GTPBP6: variants seen among roughly 807,000 people sequenced by gnomAD.
GTPBP6 encodes putative GTP-binding protein 6.
GTPBP6 carries 33 observed loss-of-function variants against 28.9 expected under a neutral mutation model. The observed-to-expected ratio is 1.14, with a 90% CI of 0.87 to 1.53. The LOEUF (loss-of-function observed/expected upper bound fraction) is 1.53, where lower values mean the gene tolerates loss of function less well. Ranked by LOEUF, GTPBP6 falls within the 40% of genes most tolerant of loss-of-function variation. The pLI is 0.00. For synonymous variants in GTPBP6, 231 were observed against 192.7 expected, an observed-to-expected ratio of 1.20 and a Z score of -1.65; for missense variants, 507 against 408.3, an observed-to-expected ratio of 1.24 and a Z score of -2.08.
chrX:307,295 C>T (rs1459625546), intron 9 of GTPBP6, 65 bp downstream of exon 9: 37 of 1,513,138 alleles, frequency 2.4e-5, no homozygotes, highest in Non-Finnish European at 3.3e-5. Context: ...ACGAAGAGCC[C>T]GTTTCAGAGC....
intron 5 of GTPBP6, among the ~76,000 whole-genome samples, chrX:313,795 G>A (rs2070365361): frequency 6.6e-6 from 1 of 152,192 alleles, no homozygotes; most frequent in Non-Finnish European, 1.5e-5. Context: ...AGGAGCCCCT[G>A]GAGGGAGCGC....
chrX:314,471 T>C (rs2070387336), intron 4 of GTPBP6, among the ~76,000 whole-genome samples: 1 of 151,070 alleles, frequency 6.6e-6, no homozygotes, highest in Admixed American at 6.6e-5. Context: ...CACGGTGCTT[T>C]TCTTCTTTTT....
intron 6 of GTPBP6, 39 bp from the exon 7 acceptor site, chrX:311,666 T>C (rs1602964091): frequency 6.6e-7 from 1 of 1,513,106 alleles, no homozygotes; most frequent in Non-Finnish European, 9.2e-7. Context: ...CAGAGATCCC[T>C]GCGTCCCAAC....
exon 10 of GTPBP6, chrX:304,868 C>T (rs1169232619): frequency 1.0e-5 from 15 of 1,432,994 alleles, no homozygotes; most frequent in South Asian, 6.1e-5. Flanking sequence ...TTGGAGTGGA[C>T]GCTCGGGCGG....
chrX:314,610 T>G (rs758089875), intron 4 of GTPBP6, among the ~76,000 whole-genome samples: 1 of 151,872 alleles, frequency 6.6e-6, no homozygotes, highest in African/African-American at 2.4e-5. Context: ...GTAGCTGGGA[T>G]TTCAGGCGCC....
chrX:316,897 G>A lies in GTPBP6; in HGVS notation c.487+17C>T, dbSNP rs2070449484. The A allele has an allele frequency of 1.0e-5, 4 of 398,596 alleles. No individual in the cohort carries two copies. Among genetic ancestry groups the A allele is most frequent in the Non-Finnish European group, 1.8e-5 (4 of 226,144 alleles). 24.7% of individuals were successfully genotyped at this position (398,596 alleles called of 1,614,324 possible). On this transcript the variant is annotated intron_variant, in intron 2 of 9. Transcript: ENST00000326153. Reference sequence around the variant, plus strand: ...GGAAAGGAGGTTTGGGGAAGGAGCAGGTCTGGACGGACCCACCTGTCAGGT... The same window carrying A: ...GGAAAGGAGGTTTGGGGAAGGAGCAAGTCTGGACGGACCCACCTGTCAGGT...
At chrX:306,757 A>T in intron 9 of GTPBP6, among the ~76,000 whole-genome samples, 1 of 149,892 alleles carries the variant, frequency 6.7e-6, no homozygotes, top group Non-Finnish European at 1.5e-5. Context: ...CAGATTAGGC[A>T]CCTGTTGTAT....
intron 6 of GTPBP6, chrX:312,037 T>C (rs1241203245): frequency 3.9e-5 from 18 of 461,642 alleles, no homozygotes; most frequent in African/African-American, 3.4e-4. Context: ...GATACGGCAG[T>C]GGTGCCGGTG....
chrX:305,273 G>A (rs956327599), intron 9 of GTPBP6, 76 bp from the exon 10 acceptor site: 22 of 1,132,416 alleles, frequency 1.9e-5, no homozygotes, highest in Non-Finnish European at 2.5e-5. Context: ...AAATAATTAC[G>A]CTAAAAAGAG....
exon 10 of GTPBP6, chrX:304,911 G>A (rs2070120855): frequency 1.4e-6 from 2 of 1,456,152 alleles, no homozygotes; most frequent in East Asian, 2.5e-5. Flanking sequence ...CGTGTCACCG[G>A]CCTGCACGGT....
At chrX:314,652 A>G (rs7188974) in intron 4 of GTPBP6, among the ~76,000 whole-genome samples, 94,719 of 151,312 alleles carry the variant, frequency 0.63, 29,875 homozygotes, top group African/African-American at 0.68. Flanking sequence ...TTTTTCTTGT[A>G]TTTTTAGTAC....
chrX:304,817 C>T, exon 10 of GTPBP6: 2 of 1,385,866 alleles, frequency 1.4e-6, no homozygotes, highest in East Asian at 5.3e-5. Context: ...CAGTTCACAG[C>T]AGGCACCGAG....
At position 312,791 on chromosome X, in the gene GTPBP6, G is replaced by C. The variant is rs200125469; in HGVS notation, c.891C>G (p.Ile297Met). 603 of 1,612,414 alleles carry C rather than the reference G, an allele frequency of 3.7e-4. No individual in the cohort carries two copies. In the African/African-American group the frequency reaches 7.1e-3, roughly 19 times the overall value. ...CGCAGTTGGTGTACCCCACCACGGA[G>C]ATCACGGGGAACTCCCGCCTCGTCC... Residue 297 changes from isoleucine (I) to methionine (M), a missense_variant, in exon 6 of 10, where the codon ATC (isoleucine) becomes ATG (methionine). Transcript: ENST00000326153.
At chrX:316,755 C>G (rs1243975501) in intron 2 of GTPBP6, among the ~76,000 whole-genome samples, 159 bp downstream of exon 2, 15 of 152,272 alleles carry the variant, frequency 9.9e-5, no homozygotes, top group African/African-American at 3.4e-4. Context: ...CCTCCGACTC[C>G]TACTGGCGTG....
chrX:317,599 G>A, intron 1 of GTPBP6, among the ~76,000 whole-genome samples: 1 of 151,120 alleles, frequency 6.6e-6, no homozygotes, highest in Middle Eastern at 3.4e-3. Context: ...TCCGCTGGAC[G>A]CCCTCCCTTC....
At chrX:317,337 G>A (rs1236538212) in intron 1 of GTPBP6, among the ~76,000 whole-genome samples, 2 of 152,002 alleles carry the variant, frequency 1.3e-5, no homozygotes, top group African/African-American at 2.4e-5. Context: ...GGTGCTCAGG[G>A]GATTACTGAG....
At chrX:318,359 C>T in intron 1 of GTPBP6, 80 bp downstream of exon 1, 1 of 392,252 alleles carries the variant, frequency 2.5e-6, no homozygotes, top group Non-Finnish European at 4.5e-6. Flanking sequence ...TGAATCTCCA[C>T]CTATGAGCCC....
intron 8 of GTPBP6, 102 bp from the exon 9 acceptor site, chrX:307,614 A>G (rs1451842528): frequency 6.9e-7 from 1 of 1,447,652 alleles, no homozygotes. Flanking sequence ...GTCTGGGGCC[A>G]CTCCCTGTGT....
intron 2 of GTPBP6, among the ~76,000 whole-genome samples, chrX:315,515 A>T (rs1414178930): frequency 6.7e-6 from 1 of 148,354 alleles, no homozygotes; most frequent in Non-Finnish European, 1.5e-5. Flanking sequence ...GCATACGGTG[A>T]ACACATCCCG....
Sources: gnomAD v4.1 joint callset for allele counts (sites outside exome capture counted in the v4.1 genomes callset) on GRCh38, gnomAD v4.1.1 for gene constraint, MANE v1.5 for transcripts, NCBI Gene and HGNC (gene_info 2026-07-23, HGNC 2026-07-21) for gene names.